The following TUBGCP3 variants were observed in gnomAD, a reference collection of about 807,000 sequenced individuals.
The protein encoded by TUBGCP3 is tubulin gamma complex component 3.
A neutral mutation model predicts 123.1 loss-of-function variants in TUBGCP3; 50 were observed. The observed-to-expected ratio is 0.41, with a 90% CI of 0.32 to 0.51. The LOEUF (loss-of-function observed/expected upper bound fraction) is 0.51, where lower values mean the gene tolerates loss of function less well. Ranked by LOEUF, TUBGCP3 falls within the 20% of genes least tolerant of loss-of-function variation. The probability of loss-of-function intolerance (pLI) is 0.36; values close to 1 mark genes in which losing one functional copy is unlikely to be tolerated. For synonymous variants in TUBGCP3, 405 were observed against 413.9 expected (o/e 0.98, Z 0.26); for missense variants, 882 against 1,127.0 (o/e 0.78, Z 3.11).
At chr13:112,559,486 C>T in intron 3 of TUBGCP3, 87 bp from the exon 4 acceptor site, 1 of 1,072,632 alleles carries the variant, frequency 9.3e-7, no homozygotes, top group Non-Finnish European at 1.3e-6. Flanking sequence ...TATTTCCAAA[C>T]TAGAAATGCA....
chr13:112,579,877 CT>C (rs1443541026), intron 1 of TUBGCP3, among the ~76,000 whole-genome samples: 2 of 152,246 alleles, frequency 1.3e-5, no homozygotes, highest in Admixed American at 1.3e-4. Flanking sequence ...CATAAAAAAC[CT>C]GTCCATGAAT....
At chr13:112,596,609 C>G in the TUBGCP3 span, among the ~76,000 whole-genome samples, 1 of 152,030 alleles carries the variant, frequency 6.6e-6, no homozygotes, top group Non-Finnish European at 1.5e-5. Context: ...CTTCTTGAAT[C>G]TATAGGTTTA....
intron 13 of TUBGCP3, among the ~76,000 whole-genome samples, chr13:112,525,995 C>T (rs900688861): frequency 2.6e-5 from 4 of 152,100 alleles, no homozygotes; most frequent in Non-Finnish European, 4.4e-5. Flanking sequence ...TCTATAAATC[C>T]TATGGTACAA....
chr13:112,560,027 G>A (rs553763197), intron 3 of TUBGCP3, among the ~76,000 whole-genome samples: 67 of 152,130 alleles, frequency 4.4e-4, no homozygotes, highest in Non-Finnish European at 7.6e-4. Flanking sequence ...CCAGCTACTC[G>A]GGAGGCTGAG....
chr13:112,527,273 T>C, intron 12 of TUBGCP3, 101 bp downstream of exon 12: 1 of 922,162 alleles, frequency 1.1e-6, no homozygotes, highest in Non-Finnish European at 1.6e-6. Flanking sequence ...GTTAACAATC[T>C]CAAAACGCAT....
At chr13:112,493,686 A>G (rs111534919) in intron 20 of TUBGCP3, among the ~76,000 whole-genome samples, 23 of 94,724 alleles carry the variant, frequency 2.4e-4, no homozygotes, top group East Asian at 8.1e-4. Context: ...TCCCTGAGAC[A>G]CTCTGGCTAT....
intron 13 of TUBGCP3, among the ~76,000 whole-genome samples, chr13:112,525,487 T>C (rs993139331): frequency 2.0e-5 from 3 of 152,238 alleles, no homozygotes; most frequent in Non-Finnish European, 2.9e-5. Context: ...GGTGAAGTCA[T>C]TGTCTCTTTC....
chr13:112,593,463 A>G, the TUBGCP3 span, among the ~76,000 whole-genome samples: 1 of 152,138 alleles, frequency 6.6e-6, no homozygotes, highest in African/African-American at 2.4e-5. Context: ...ACCTGAGGTC[A>G]GGAGTTTGAG....
intron 3 of TUBGCP3, among the ~76,000 whole-genome samples, chr13:112,560,386 C>G (rs1054253209): frequency 6.6e-6 from 1 of 150,650 alleles, no homozygotes; most frequent in African/African-American, 2.4e-5. Context: ...GCCGAGATCC[C>G]GCCACTGCAC....
intron 1 of TUBGCP3, among the ~76,000 whole-genome samples, chr13:112,570,797 A>G (rs1881334661): frequency 6.6e-6 from 1 of 152,248 alleles, no homozygotes; most frequent in Admixed American, 6.5e-5. Flanking sequence ...AACAGAAGCC[A>G]GTCCTCTTAA....
rs571364166 is a variant in TUBGCP3 at position 112,524,811 on chromosome 13, C to T, written c.1555+2131G>A. Among the ~76,000 whole-genome samples the T allele has an allele frequency of 6.6e-6, 1 of 152,318 alleles. No homozygotes were observed. Among genetic ancestry groups the T allele is most frequent in the East Asian group, 1.9e-4 (1 of 5,174 alleles). On this transcript the variant is annotated intron_variant, in intron 13 of 21. Transcript: ENST00000261965. The surrounding 1 kb of genome is among the most constrained non-coding windows in gnomAD (Gnocchi z 4.4). Reference sequence around the variant, plus strand: ...CCAAAATCTCTATATTCGGCCCTGACTTTTAACCAGAGTTTCAGTATAGCA... The same window carrying T: ...CCAAAATCTCTATATTCGGCCCTGATTTTTAACCAGAGTTTCAGTATAGCA...
chr13:112,561,637 A>T (rs9577804), intron 3 of TUBGCP3, among the ~76,000 whole-genome samples: 23,965 of 152,076 alleles, frequency 0.16, 2,150 homozygotes, highest in Non-Finnish European at 0.21. Context: ...ATGCAAATGG[A>T]CGCCCAGAGG....
chr13:112,518,257 A>T (rs1298248439), intron 16 of TUBGCP3, among the ~76,000 whole-genome samples: 1 of 152,200 alleles, frequency 6.6e-6, no homozygotes, highest in African/African-American at 2.4e-5. Flanking sequence ...AGCACGAAGC[A>T]GGCTCTACCA....
At chr13:112,565,257 A>G (rs1880867258) in intron 2 of TUBGCP3, 79 bp from the exon 3 acceptor site, 1 of 1,241,256 alleles carries the variant, frequency 8.1e-7, no homozygotes, top group African/African-American at 1.5e-5. Flanking sequence ...CACCTACAAC[A>G]CCATAACTCG....
At chr13:112,559,595 A>C (rs899917072) in intron 3 of TUBGCP3, among the ~76,000 whole-genome samples, 196 bp from the exon 4 acceptor site, 1 of 152,066 alleles carries the variant, frequency 6.6e-6, no homozygotes, top group Admixed American at 6.5e-5. Context: ...CATGCAACCA[A>C]CAACCTTGGA....
chr13:112,605,022 T>C, the TUBGCP3 span: 4 of 152,220 alleles, frequency 2.6e-5, no homozygotes, highest in Non-Finnish European at 4.4e-5. Context: ...AAAAGCAGCT[T>C]GGGGCCGGGC....
chr13:112,569,145 T>C lies in TUBGCP3; in HGVS notation c.184+7A>G. On this transcript the variant is annotated splice_region_variant and intron_variant, in intron 2 of 21. Coordinates refer to ENST00000261965, the MANE Select transcript of TUBGCP3 (RefSeq NM_006322.6). The stretch of plus-strand genomic sequence containing the variant: ...TCCAACACATGACATTTAAGAAAAA[T>C]ACGTACGCTCTTTCTTGATTTTTTC... 2 of 1,613,674 alleles carry C rather than the reference T, an allele frequency of 1.2e-6. No individual in the cohort carries two copies. The highest frequency in any genetic ancestry group is 1.7e-6 in the Non-Finnish European group (2 of 1,179,716).
chr13:112,582,165 G>A (rs1882314957), intron 1 of TUBGCP3, among the ~76,000 whole-genome samples: 1 of 152,086 alleles, frequency 6.6e-6, no homozygotes. Flanking sequence ...AATAAGCTGG[G>A]AAAAAATCAA....
intron 14 of TUBGCP3, chr13:112,521,653 T>C (rs1489304266): frequency 1.0e-6 from 1 of 984,672 alleles, no homozygotes; most frequent in Non-Finnish European, 1.2e-6. Context: ...AAAGGGAACA[T>C]TTATCTTACT....
Sources: allele counts gnomAD v4.1 joint callset (sites outside exome capture counted in the v4.1 genomes callset), GRCh38; gene constraint gnomAD v4.1.1; non-coding constraint Gnocchi (gnomAD v3.1); transcripts MANE v1.5; gene names NCBI Gene and HGNC (gene_info 2026-07-23, HGNC 2026-07-21).